Variants in TRPC1 observed in about 807,000 individuals in gnomAD.
TRPC1 encodes transient receptor potential cation channel subfamily C member 1.
Under a neutral mutation model 88.2 loss-of-function variants are expected in TRPC1, and 42 were observed. That is an observed-to-expected ratio of 0.48 (90% CI 0.37 to 0.62). The LOEUF (loss-of-function observed/expected upper bound fraction) is 0.62. Among genes scored for constraint, TRPC1 ranks in the 20% least tolerant of loss-of-function variants. TRPC1 has a pLI of 0.00. For missense variants in TRPC1, 699 were observed against 957.3 expected (o/e 0.73, Z 3.56); for synonymous variants, 288 against 331.8 (o/e 0.87, Z 1.43).
chr3:142,793,929 T>C, intron 9 of TRPC1: 8 of 980,614 alleles, frequency 8.2e-6, no homozygotes, highest in Non-Finnish European at 9.7e-6. Flanking sequence ...TGTGGCTCTC[T>C]TAACCAAGTC....
chr3:142,731,619 C>A (rs899882406), intron 1 of TRPC1, among the ~76,000 whole-genome samples: 5 of 151,914 alleles, frequency 3.3e-5, no homozygotes, highest in Admixed American at 6.6e-5. Context: ...CTCCTGACCT[C>A]ATGATCCGCC....
At position 142,744,563 on chromosome 3, in the gene TRPC1, A is replaced by C. The variant is rs531873732; in HGVS notation, c.429+977A>C. 1.6e-3 allele frequency among the ~76,000 whole-genome samples: 247 copies of C among 152,328 alleles called. 1 individual carries two copies. Among genetic ancestry groups the C allele is most frequent in the African/African-American group, 5.7e-3 (236 of 41,568 alleles). On this transcript the variant is annotated intron_variant, in intron 3 of 12. Coordinates refer to ENST00000476941, the MANE Select transcript of TRPC1 (RefSeq NM_001251845.2). ...TGGAATATTATGCAGTCATTAAAACAGTACTTTTAAAAGAATAGTTAGGAA... is the reference window on the plus strand; with the variant it reads ...TGGAATATTATGCAGTCATTAAAACCGTACTTTTAAAAGAATAGTTAGGAA...
intron 2 of TRPC1, among the ~76,000 whole-genome samples, chr3:142,741,072 G>A (rs1577950511): frequency 6.6e-6 from 1 of 151,740 alleles, no homozygotes; most frequent in South Asian, 2.1e-4. Flanking sequence ...AAGGTAGGAA[G>A]GAAGATAATG....
At chr3:142,780,095 G>T (rs888450721) in intron 5 of TRPC1, among the ~76,000 whole-genome samples, 2 of 151,938 alleles carry the variant, frequency 1.3e-5, no homozygotes, top group East Asian at 3.9e-4. Flanking sequence ...GTGATCACCC[G>T]CCTTGGCCTC....
At chr3:142,791,602 T>C (rs548681840) in intron 8 of TRPC1, among the ~76,000 whole-genome samples, 1 of 152,206 alleles carries the variant, frequency 6.6e-6, no homozygotes, top group East Asian at 1.9e-4. Flanking sequence ...CTGACCTAGG[T>C]TCTTTTAGCT....
At chr3:142,768,788 A>G (rs1016907947) in intron 4 of TRPC1, among the ~76,000 whole-genome samples, 1 of 152,040 alleles carries the variant, frequency 6.6e-6, no homozygotes, top group African/African-American at 2.4e-5. Flanking sequence ...GTGTATTACA[A>G]TCTATTTCAA....
chr3:142,804,429 T>A lies in TRPC1; in HGVS notation c.1960-7T>A, dbSNP rs1936720556. 1.2e-6 allele frequency: 2 copies of A among 1,601,076 alleles called. No individual in the cohort carries two copies. The highest frequency in any genetic ancestry group is 1.7e-6 in the Non-Finnish European group (2 of 1,175,264). ...CTAGTTTGCTTTTTAATTTGCCTTT[T>A]ATATAGAATCATGAAGACAAAGAAT... On this transcript the variant is annotated splice_region_variant and splice_polypyrimidine_tract_variant and intron_variant, in intron 11 of 12. Coordinates refer to ENST00000476941, the MANE Select transcript of TRPC1 (RefSeq NM_001251845.2).
intron 4 of TRPC1, among the ~76,000 whole-genome samples, chr3:142,755,407 A>T (rs1934926547): frequency 6.6e-6 from 1 of 152,200 alleles, no homozygotes; most frequent in Non-Finnish European, 1.5e-5. Context: ...CCTGGGTGAC[A>T]AGAGCAAAAC....
intron 9 of TRPC1, chr3:142,794,052 A>G: frequency 8.0e-6 from 2 of 250,476 alleles, no homozygotes; most frequent in Non-Finnish European, 1.3e-5. Flanking sequence ...AATTTGTTTA[A>G]CCTTGTTCAA....
intron 4 of TRPC1, among the ~76,000 whole-genome samples, chr3:142,752,855 C>G (rs763645624): frequency 2.6e-5 from 4 of 152,160 alleles, no homozygotes; most frequent in Admixed American, 6.5e-5. Flanking sequence ...CTGCACAGCC[C>G]TAGGTCCCTT....
rs2108174388 is a variant in TRPC1, at chr3:142,807,673, T to C, written c.*1438T>C. The C allele has an allele frequency of 1.3e-5, 2 of 152,358 alleles. No homozygotes were observed. Among genetic ancestry groups the C allele is most frequent in the Middle Eastern group, 6.8e-3 (2 of 294 alleles). The allele number at this position is 152,358 out of a possible 1,614,324, so 9.4% of individuals were successfully genotyped here. On this transcript the variant is annotated 3_prime_UTR_variant, in exon 13 of 13. Transcript: ENST00000476941. ...GGGCAAATTCTTATAAAAATGTTTATTGTAAAGTTATATATTTTGTCTACG... is the reference window on the plus strand; with the variant it reads ...GGGCAAATTCTTATAAAAATGTTTACTGTAAAGTTATATATTTTGTCTACG...
chr3:142,726,939 AG>A (rs1933698150), intron 1 of TRPC1, among the ~76,000 whole-genome samples: 1 of 152,202 alleles, frequency 6.6e-6, no homozygotes, highest in Non-Finnish European at 1.5e-5. Flanking sequence ...TTTGTAGATG[AG>A]GAAAATGAGG....
intron 4 of TRPC1, among the ~76,000 whole-genome samples, chr3:142,765,040 G>T (rs985441406): frequency 2.0e-4 from 31 of 152,012 alleles, no homozygotes; most frequent in Non-Finnish European, 7.4e-5. Flanking sequence ...CAAGCTGAGG[G>T]CCAAATCAAG....
chr3:142,805,901 T>A (rs1414900094), intron 12 of TRPC1, 107 bp from the exon 13 acceptor site: 2 of 947,712 alleles, frequency 2.1e-6, no homozygotes, highest in Non-Finnish European at 3.2e-6. Context: ...AACTATAGTC[T>A]AATAAAGCAT....
At chr3:142,729,847 A>G (rs1369074636) in intron 1 of TRPC1, among the ~76,000 whole-genome samples, 1 of 152,166 alleles carries the variant, frequency 6.6e-6, no homozygotes, top group African/African-American at 2.4e-5. Flanking sequence ...GCCTAGATGA[A>G]TGATAAGGAC....
At chr3:142,758,393 T>G (rs1297604629) in intron 4 of TRPC1, among the ~76,000 whole-genome samples, 1 of 152,246 alleles carries the variant, frequency 6.6e-6, no homozygotes, top group Non-Finnish European at 1.5e-5. Flanking sequence ...TTTGTGATGT[T>G]GAACATTTTT....
At chr3:142,737,968 G>C (rs1934202574) in intron 2 of TRPC1, among the ~76,000 whole-genome samples, 1 of 152,078 alleles carries the variant, frequency 6.6e-6, no homozygotes, top group Admixed American at 6.5e-5. Context: ...AATAAGGGTA[G>C]AAAAAAATTC....
intron 4 of TRPC1, among the ~76,000 whole-genome samples, chr3:142,764,661 T>C (rs951985046): frequency 1.4e-4 from 22 of 152,166 alleles, no homozygotes; most frequent in African/African-American, 4.8e-4. Flanking sequence ...TTATATGTTA[T>C]TTGCTTCTTT....
In TRPC1 at chr3:142,792,566, A is replaced by G. The variant is rs1936323617; in HGVS notation, c.1438-258A>G. ...ATAAAAAGCTTAATGATCATTTAAA[A>G]AATTATTTAATTTTCTAAAATTTAA... On this transcript the variant is annotated intron_variant, in intron 8 of 12. Transcript: ENST00000476941. The surrounding 1 kb of genome is among the most constrained non-coding windows in gnomAD (Gnocchi z 4.0). 6.6e-6 allele frequency among the ~76,000 whole-genome samples: 1 copy of G among 152,018 alleles called. No individual in the cohort carries two copies. The highest frequency in any genetic ancestry group is 2.4e-5 in the African/African-American group (1 of 41,440).
Sources: gnomAD v4.1 joint callset for allele counts (sites outside exome capture counted in the v4.1 genomes callset) on GRCh38, gnomAD v4.1.1 for gene constraint, Gnocchi (gnomAD v3.1) non-coding constraint, MANE v1.5 for transcripts, NCBI Gene and HGNC (gene_info 2026-07-23, HGNC 2026-07-21) for gene names.